The following ZFP30 variants were observed in gnomAD, a reference collection of about 807,000 sequenced individuals.
ZFP30 encodes the protein ZFP30 zinc finger protein, also known as zinc finger protein 30 homolog.
ZFP30 carries 16 observed loss-of-function variants against 12.3 expected under a neutral mutation model. That is an observed-to-expected ratio of 1.30 (90% CI 0.88 to 1.98). The LOEUF (loss-of-function observed/expected upper bound fraction) is 1.98. Ranked by LOEUF, ZFP30 falls within the 30% of genes most tolerant of loss-of-function variation. The pLI, the probability that ZFP30 is intolerant of heterozygous loss-of-function variation, is 0.00. For missense variants in ZFP30, 560 were observed against 611.2 expected (o/e 0.92, Z 0.88); for synonymous variants, 172 against 201.0 (o/e 0.86, Z 1.22).
In ZFP30 at chr19:37,647,882, G is replaced by T. The variant is rs1018591086; in HGVS notation, c.-60C>A. 4.4e-6 allele frequency: 7 copies of T among 1,592,024 alleles called. No individual in the cohort carries two copies. In the Admixed American group the frequency reaches 1.2e-4, roughly 27 times the overall value. ...CAAGGTTCATGTACTTCAGAAGCAG[G>T]GTCCACAGACACCAGAGCTGCAGAA... On this transcript the variant is annotated 5_prime_UTR_variant, in exon 3 of 6. Transcript: ENST00000684514.
At position 37,635,870 on chromosome 19, in the gene ZFP30, G is replaced by C; in HGVS notation, c.671C>G (p.Thr224Arg). 1 of 1,614,168 alleles carries C rather than the reference G, an allele frequency of 6.2e-7. No individual in the cohort carries two copies. Among genetic ancestry groups the C allele is most frequent in the Non-Finnish European group, 8.5e-7 (1 of 1,180,022 alleles). Residue 224 changes from threonine (T) to arginine (R), a missense_variant, in exon 6 of 6, where the codon ACA becomes AGA. Transcript: ENST00000684514. The stretch of plus-strand genomic sequence containing the variant: ...ATGTACTCGAAGGTCTGAGCCACAT[G>C]TGAAGATCTTTCCACATTTTTTACA... ...YECKKCGKIF[T>R]CGSDLRVHQR...
intron 2 of ZFP30, among the ~76,000 whole-genome samples, chr19:37,651,238 C>A (rs2044643787): frequency 1.3e-5 from 2 of 151,946 alleles, no homozygotes; most frequent in South Asian, 4.1e-4. Context: ...ATCATTAATT[C>A]ATTTCCCCGA....
chr19:37,646,753 TTTTGTTTTGC>T (rs1568385717), intron 3 of ZFP30, among the ~76,000 whole-genome samples: 1 of 152,034 alleles, frequency 6.6e-6, no homozygotes, highest in African/African-American at 2.4e-5. Context: ...TTTTGTTTTG[TTTTGTTTTGC>T]TTTGTTTTGT....
At chr19:37,649,832 A>AC (rs1251598573) in intron 2 of ZFP30, among the ~76,000 whole-genome samples, 4 of 71,174 alleles carry the variant, frequency 5.6e-5, no homozygotes, top group Non-Finnish European at 1.5e-4. Context: ...TTAAAAAAAA[A>AC]AGAAAGAAAA....
chr19:37,637,002 C>T (rs946879630), intron 5 of ZFP30, among the ~76,000 whole-genome samples: 2 of 151,990 alleles, frequency 1.3e-5, no homozygotes, highest in South Asian at 2.1e-4. Context: ...TGAGCCACCA[C>T]ATCCGACCCA....
chr19:37,642,994 A>T (rs2044465974), intron 5 of ZFP30, among the ~76,000 whole-genome samples: 1 of 146,290 alleles, frequency 6.8e-6, no homozygotes. Context: ...CGGAGCTTGC[A>T]GTGAGCAGAG....
chr19:37,636,284 G>A lies in ZFP30; in HGVS notation c.257C>T (p.Thr86Ile), dbSNP rs1333630359. The change falls in exon 6 of 6, where the codon ACT (threonine) becomes ATT (isoleucine). Residue 86 changes from threonine to isoleucine, a missense_variant. By Grantham distance (89) the Thr-to-Ile change is moderately conservative (BLOSUM62 -1). Transcript: ENST00000684514. ...ATCCTTTCCTTGAAATAACTTTTTA[G>A]TGTCATATCTGGATTCCAAATCTGA... Reference protein sequence around the residue: ...WTLDLESRYDTKKLFQGKDIY... With the variant: ...WTLDLESRYDIKKLFQGKDIY... 1 of 1,598,084 alleles carries A rather than the reference G, an allele frequency of 6.3e-7. No homozygotes were observed. Among genetic ancestry groups the A allele is most frequent in the South Asian group, 1.1e-5 (1 of 87,858 alleles).
At position 37,654,876 on chromosome 19, in the gene ZFP30, C is replaced by T. The variant is rs1446169654; in HGVS notation, c.-242G>A. 1 of 152,346 alleles carries T rather than the reference C, an allele frequency of 6.6e-6. No individual in the cohort carries two copies. The highest frequency in any genetic ancestry group is 2.4e-5 in the African/African-American group (1 of 41,418). 9.4% of individuals were successfully genotyped at this position (152,346 alleles called of 1,614,324 possible). Reference sequence around the variant, plus strand: ...ACGCTTCCCTGGCCCCAACTAACCGCCACCTGCATGCACAAATGGAAACGA... The same window carrying T: ...ACGCTTCCCTGGCCCCAACTAACCGTCACCTGCATGCACAAATGGAAACGA... On this transcript the variant is annotated 5_prime_UTR_variant, in exon 2 of 6. Coordinates refer to ENST00000684514, the MANE Select transcript of ZFP30 (RefSeq NM_001320669.3).
rs561449480 is a variant in ZFP30 at position 37,632,085 on chromosome 19, G to A, written c.*2896C>T. 1.3e-5 allele frequency: 2 copies of A among 151,934 alleles called. No individual in the cohort carries two copies. Among genetic ancestry groups the A allele is most frequent in the African/African-American group, 4.8e-5 (2 of 41,480 alleles). 9.4% of individuals were successfully genotyped at this position (151,934 alleles called of 1,614,324 possible). ...GTCTCTCTGAGACCACTCTGGCTCA[G>A]GAGAGTAGGATTTTTTTTTTTTAAA... On this transcript the variant is annotated 3_prime_UTR_variant, in exon 6 of 6. Coordinates refer to ENST00000684514, the MANE Select transcript of ZFP30 (RefSeq NM_001320669.3).
At chr19:37,647,713 G>A (rs2044570500) in intron 3 of ZFP30, 101 bp downstream of exon 3, 1 of 1,469,706 alleles carries the variant, frequency 6.8e-7, no homozygotes, top group African/African-American at 1.4e-5. Flanking sequence ...AGAAGCTGTT[G>A]AATGGGGCTC....
chr19:37,648,613 T>C (rs1483597206), intron 2 of ZFP30, among the ~76,000 whole-genome samples: 1 of 152,188 alleles, frequency 6.6e-6, no homozygotes, highest in Non-Finnish European at 1.5e-5. Context: ...TCCCAGAGTT[T>C]GGCATTCAGT....
At chr19:37,648,386 T>C (rs2044582916) in intron 2 of ZFP30, among the ~76,000 whole-genome samples, 2 of 152,162 alleles carry the variant, frequency 1.3e-5, no homozygotes, top group African/African-American at 2.4e-5. Context: ...TTTGCTCAAA[T>C]TGGAATCACC....
intron 5 of ZFP30, among the ~76,000 whole-genome samples, chr19:37,636,958 G>T (rs961522729): frequency 6.6e-6 from 1 of 151,976 alleles, no homozygotes; most frequent in East Asian, 1.9e-4. Flanking sequence ...TGATCCGCCT[G>T]CCTCGGCCTC....
intron 2 of ZFP30, among the ~76,000 whole-genome samples, chr19:37,649,657 CTCCA>C (rs2044609976): frequency 6.6e-6 from 1 of 151,938 alleles, no homozygotes; most frequent in Admixed American, 6.6e-5. Flanking sequence ...CATGGCAAAA[CTCCA>C]TCTCTACAAA....
At chr19:37,655,730 A>G (rs1294245552), upstream of ZFP30, 2 of 152,192 alleles carry the variant, frequency 1.3e-5, no homozygotes, top group African/African-American at 2.4e-5. Flanking sequence ...TAAAAAAACA[A>G]TATTCCGCCT....
intron 5 of ZFP30, 37 bp downstream of exon 5, chr19:37,643,228 T>C (rs750349075): frequency 1.9e-6 from 3 of 1,560,598 alleles, no homozygotes; most frequent in East Asian, 4.6e-5. Flanking sequence ...GGTCTGGCCA[T>C]GCCATAATGG....
intron 5 of ZFP30, among the ~76,000 whole-genome samples, chr19:37,642,863 T>C (rs1034048032): frequency 7.9e-5 from 12 of 151,760 alleles, no homozygotes; most frequent in Admixed American, 2.6e-4. Context: ...CCATCCTGGC[T>C]AACATGGTGA....
rs1436628763 is a variant in ZFP30, at chr19:37,632,988, T to C, written c.*1993A>G. 1 of 152,192 alleles carries C rather than the reference T, an allele frequency of 6.6e-6. No homozygotes were observed. Among genetic ancestry groups the C allele is most frequent in the Non-Finnish European group, 1.5e-5 (1 of 68,084 alleles). The allele number at this position is 152,192 out of a possible 1,614,324, so 9.4% of individuals were successfully genotyped here. ...GGAGTTGAGACCAGCTTGGCCAACA[T>C]GGTGAAACCCCATCTCTACTAAAAA... On this transcript the variant is annotated 3_prime_UTR_variant, in exon 6 of 6. Transcript: ENST00000684514.
rs2044277443 is a variant in ZFP30 at position 37,634,111 on chromosome 19, C to G, written c.*870G>C. The G allele has an allele frequency of 6.6e-6, 1 of 152,106 alleles. No individual in the cohort carries two copies. The highest frequency in any genetic ancestry group is 2.1e-4 in the South Asian group (1 of 4,824). The allele number at this position is 152,106 out of a possible 1,614,324, so 9.4% of individuals were successfully genotyped here. On this transcript the variant is annotated 3_prime_UTR_variant, in exon 6 of 6. Transcript: ENST00000684514. ...TCAAGTCTGTCAATACCTAGGAGTT[C>G]CACCTTATTTCTTAAAATGCCATTT...
Sources: gnomAD v4.1 joint callset for allele counts (sites outside exome capture counted in the v4.1 genomes callset) on GRCh38, gnomAD v4.1.1 for gene constraint, MANE v1.5 for transcripts, NCBI Gene and HGNC (gene_info 2026-07-23, HGNC 2026-07-21) for gene names.